Variants in ZNF786 observed in about 807,000 individuals in gnomAD.
ZNF786 encodes the protein zinc finger protein 786.
ZNF786 carries 56 observed loss-of-function variants against 63.1 expected under a neutral mutation model. That is an observed-to-expected ratio of 0.89 (90% CI 0.72 to 1.11). The LOEUF (loss-of-function observed/expected upper bound fraction) is 1.11. Ranked by LOEUF, ZNF786 falls within the 50% of genes least tolerant of loss-of-function variation. The probability of loss-of-function intolerance (pLI) is 0.00; values close to 1 mark genes in which losing one functional copy is unlikely to be tolerated. For synonymous variants in ZNF786, 485 were observed against 406.9 expected (o/e 1.19, Z -2.31); for missense variants, 1,213 against 1,041.8 (o/e 1.16, Z -2.26).
chr7:149,078,808 AAT>A (rs1825606287), intron 2 of ZNF786, among the ~76,000 whole-genome samples: 2 of 152,226 alleles, frequency 1.3e-5, no homozygotes, highest in South Asian at 4.1e-4. Flanking sequence ...CTAGAGAACT[AAT>A]TATCTTTATA....
intron 1 of ZNF786, chr7:149,081,046 A>G: frequency 2.1e-6 from 1 of 467,638 alleles, no homozygotes; most frequent in Admixed American, 2.4e-5. Flanking sequence ...TCAATAATAT[A>G]TATTGAGGCA....
At position 149,080,726 on chromosome 7, in the gene ZNF786, G is replaced by A. The variant is rs768375779; in HGVS notation, c.19-9C>T. 6.3e-7 allele frequency: 1 copy of A among 1,598,988 alleles called. No homozygotes were observed. The highest frequency in any genetic ancestry group is 1.3e-5 in the African/African-American group (1 of 74,334). On this transcript the variant is annotated splice_polypyrimidine_tract_variant and intron_variant, in intron 1 of 3. Coordinates refer to ENST00000491431, the MANE Select transcript of ZNF786 (RefSeq NM_152411.4). The stretch of plus-strand genomic sequence containing the variant: ...TCAAAAGTCAGAGGTAGCTGAAATT[G>A]TAGACATAAGACATATGCATTCATG...
At chr7:149,085,701 CA>C (rs1424417308) in intron 1 of ZNF786, among the ~76,000 whole-genome samples, 2 of 150,512 alleles carry the variant, frequency 1.3e-5, no homozygotes, top group Non-Finnish European at 2.9e-5. Flanking sequence ...GCCATTTTAA[CA>C]ATATTGATTC....
In ZNF786 at chr7:149,072,143, G is replaced by C; in HGVS notation, c.629C>G (p.Ser210Ter). The change falls in exon 4 of 4, where the codon TCA becomes TGA. Residue 210 changes from serine to a stop codon, truncating the protein, a stop_gained. Coordinates refer to ENST00000491431, the MANE Select transcript of ZNF786 (RefSeq NM_152411.4). LOFTEE classifies it high-confidence loss of function. ...CCAGGCCCTACGTGTCCGGTCCTTT[G>C]AGTGGCCTCTCTGGTGCATTACTAA... ...NHLVMHQRGH[S>*]KDRTRRAWEK... 6.2e-7 allele frequency: 1 copy of C among 1,613,190 alleles called. No homozygotes were observed.
In ZNF786 at chr7:149,071,781, C is replaced by A. The variant is rs1345110401; in HGVS notation, c.991G>T (p.Gly331Trp). The A allele has an allele frequency of 6.3e-7, 1 of 1,581,014 alleles. No homozygotes were observed. Among genetic ancestry groups the A allele is most frequent in the Admixed American group, 1.7e-5 (1 of 58,350 alleles). Residue 331 changes from glycine to tryptophan, a missense_variant, in exon 4 of 4, where the codon GGG (glycine) becomes TGG (tryptophan). Transcript: ENST00000491431. Reference protein sequence around the residue: ...EGPASWREGRGASSSVHSGQK... With the variant: ...EGPASWREGRWASSSVHSGQK... ...CCCGAGTGCACACTGCTGGAGGCCC[C>A]GCGGCCTTCTCTCCAAGAGGCCGGC...
At chr7:149,086,211 C>G (rs1825733608) in intron 1 of ZNF786, among the ~76,000 whole-genome samples, 1 of 152,140 alleles carries the variant, frequency 6.6e-6, no homozygotes, top group South Asian at 2.1e-4. Context: ...TAAAGGAACA[C>G]CAAGGTGGGG....
In ZNF786 at chr7:149,072,016, C is replaced by T. The variant is rs1342993006; in HGVS notation, c.756G>A (p.Lys252=). 1 of 1,612,968 alleles carries T rather than the reference C, an allele frequency of 6.2e-7. No homozygotes were observed. Among genetic ancestry groups the T allele is most frequent in the East Asian group, 2.2e-5 (1 of 44,886 alleles). The change falls in exon 4 of 4, where the codon AAG becomes AAA. Residue 252 remains lysine, a synonymous_variant. Coordinates refer to ENST00000491431, the MANE Select transcript of ZNF786 (RefSeq NM_152411.4). ...CGVCGKSFRR[K]LCLLRHLAAH... Reference sequence around the variant, plus strand: ...CCGCCAGATGGCGCAGCAGACACAGCTTCCGGCGGAAGCTCTTACCGCACA... The same window carrying T: ...CCGCCAGATGGCGCAGCAGACACAGTTTCCGGCGGAAGCTCTTACCGCACA...
At position 149,074,427 on chromosome 7, in the gene ZNF786, T is replaced by G; in HGVS notation, c.257A>C (p.Asp86Ala). 6.2e-7 allele frequency: 1 copy of G among 1,613,844 alleles called. No individual in the cohort carries two copies. Among genetic ancestry groups the G allele is most frequent in the Non-Finnish European group, 8.5e-7 (1 of 1,179,846 alleles). ...KSGNIICSSV[D>A]MHFDPGFEEQ... ...CTCAAAACCTGGATCAAAATGCATA[T>G]CAACAGAGGAGCAAATTATGTTTCC... The change falls in exon 3 of 4, where the codon GAT becomes GCT. Residue 86 changes from aspartate (D) to alanine (A), a missense_variant. Coordinates refer to ENST00000491431, the MANE Select transcript of ZNF786 (RefSeq NM_152411.4).
At chr7:149,077,544 T>C (rs919742549) in intron 2 of ZNF786, among the ~76,000 whole-genome samples, 5 of 151,850 alleles carry the variant, frequency 3.3e-5, no homozygotes, top group South Asian at 2.1e-4. Context: ...AGGAGAATGG[T>C]GTGAACCCGG....
In ZNF786 at chr7:149,074,518, C is replaced by G. The variant is rs1825507725; in HGVS notation, c.166G>C (p.Glu56Gln). The G allele has an allele frequency of 1.2e-6, 2 of 1,613,748 alleles. No homozygotes were observed. Among genetic ancestry groups the G allele is most frequent in the Non-Finnish European group, 8.5e-7 (1 of 1,179,820 alleles). Residue 56 changes from glutamate (E) to glutamine (Q), a missense_variant, in exon 3 of 4, where the codon GAA becomes CAA. Coordinates refer to ENST00000491431, the MANE Select transcript of ZNF786 (RefSeq NM_152411.4). ...CCGTGTTCAATCCAGGATATTAGTT[C>G]TGGTTTTGGAAGTCCATCATCTGCA... ...VSLDDGLPKP[E>Q]LISWIEHGGE...
intron 1 of ZNF786, among the ~76,000 whole-genome samples, chr7:149,089,524 C>T (rs1825796186): frequency 6.6e-6 from 1 of 151,734 alleles, no homozygotes. Flanking sequence ...GCCATGTTGG[C>T]CAGGCTGGTC....
intron 1 of ZNF786, 108 bp downstream of exon 1, chr7:149,090,515 C>G: frequency 2.4e-6 from 3 of 1,270,334 alleles, no homozygotes; most frequent in Non-Finnish European, 3.1e-6. Flanking sequence ...CTCCGTCCTA[C>G]CCGTGCACCG....
At chr7:149,079,563 CTTTTTTTTT>C (rs377025040) in intron 2 of ZNF786, among the ~76,000 whole-genome samples, 4 of 119,442 alleles carry the variant, frequency 3.3e-5, no homozygotes, top group African/African-American at 1.3e-4. Context: ...GACAGCTACT[CTTTTTTTTT>C]TTTTTTTTTT....
Position 149,071,222 on chromosome 7 carries a change from C to A in ZNF786, c.1550G>T (p.Gly517Val). The stretch of plus-strand genomic sequence containing the variant: ...ACGGAGCTTGCACTGGTGGGTGAAG[C>A]CTCTGCCACACTCGCTACAGGAGAA... ...RPFSCSECGR[G>V]FTHQCKLREH... The change falls in exon 4 of 4, where the codon GGC becomes GTC. Residue 517 changes from glycine (G) to valine (V), a missense_variant. Gly to Val is a moderately radical substitution (Grantham distance 109). Coordinates refer to ENST00000491431, the MANE Select transcript of ZNF786 (RefSeq NM_152411.4). 1.9e-6 allele frequency: 3 copies of A among 1,611,016 alleles called. No individual in the cohort carries two copies. The highest frequency in any genetic ancestry group is 2.5e-6 in the Non-Finnish European group (3 of 1,178,044).
intron 1 of ZNF786, among the ~76,000 whole-genome samples, chr7:149,084,383 G>A (rs1585470249): frequency 6.9e-6 from 1 of 144,312 alleles, no homozygotes; most frequent in South Asian, 2.2e-4. Flanking sequence ...AGTTAATTTT[G>A]CTTTGAGTTC....
Position 149,074,476 on chromosome 7 carries a change from T to G in ZNF786, c.208A>C (p.Lys70Gln), listed in dbSNP as rs1475891876. ...CCTGATTTCTGTGATTCTCTCCATT[T>G]CCTGAAGGGCTCTCCCCCGTGTTCA... ...WIEHGGEPFR[K>Q]WRESQKSGNI... is the part of the protein sequence containing the mutation. Residue 70 changes from lysine (K) to glutamine (Q), a missense_variant, in exon 3 of 4, where the codon AAA becomes CAA. Physicochemically the swap from Lys to Gln is moderately conservative, Grantham distance 53. Transcript: ENST00000491431. 1 of 1,613,922 alleles carries G rather than the reference T, an allele frequency of 6.2e-7. No homozygotes were observed. Among genetic ancestry groups the G allele is most frequent in the Non-Finnish European group, 8.5e-7 (1 of 1,179,876 alleles).
At chr7:149,086,257 G>GT (rs758432903) in intron 1 of ZNF786, among the ~76,000 whole-genome samples, 26 of 152,192 alleles carry the variant, frequency 1.7e-4, no homozygotes, top group Non-Finnish European at 2.5e-4. Context: ...TTGGTTCACA[G>GT]TTCTGCAGGC....
chr7:149,074,258 A>T, intron 3 of ZNF786, 128 bp downstream of exon 3: 1 of 1,096,024 alleles, frequency 9.1e-7, no homozygotes, highest in Non-Finnish European at 1.3e-6. Context: ...ATTATGCTTT[A>T]CTGCCTTTAT....
intron 1 of ZNF786, among the ~76,000 whole-genome samples, chr7:149,085,583 G>C (rs1461226764): frequency 6.6e-6 from 1 of 152,086 alleles, no homozygotes; most frequent in Non-Finnish European, 1.5e-5. Flanking sequence ...CTGAAGTGTT[G>C]GGATTACAGG....
Sources: gnomAD v4.1 joint callset for allele counts (sites outside exome capture counted in the v4.1 genomes callset) on GRCh38, gnomAD v4.1.1 for gene constraint, MANE v1.5 for transcripts, NCBI Gene and HGNC (gene_info 2026-07-23, HGNC 2026-07-21) for gene names.